Variants in FAAH2 observed in about 807,000 individuals in gnomAD.
FAAH2 encodes fatty-acid amide hydrolase 2.
Under a neutral mutation model 36.9 loss-of-function variants are expected in FAAH2, and 60 were observed. The ratio of observed to expected loss-of-function variants is 1.63; its 90% CI spans 1.32 to 2.02. The LOEUF is 2.02. Ranked by LOEUF, FAAH2 falls within the 30% of genes most tolerant of loss-of-function variation. The pLI is 0.00. For synonymous variants in FAAH2, 214 were observed against 143.8 expected (o/e 1.49, Z -3.49); for missense variants, 689 against 397.5 (o/e 1.73, Z -6.23).
intron 3 of FAAH2, among the ~76,000 whole-genome samples, chrX:57,322,279 C>T (rs1014692935): frequency 2.7e-5 from 3 of 111,858 alleles, no homozygotes; most frequent in African/African-American, 9.7e-5. Context: ...TGTGAGCCAC[C>T]GCACCCGGCC....
At chrX:57,229,486 G>T in the FAAH2 span, 1 of 110,785 alleles carries the variant, frequency 9.0e-6, no homozygotes, top group Non-Finnish European at 1.9e-5. Flanking sequence ...TGCTATTCAG[G>T]GATTAAACAT....
chrX:57,406,577 C>G (rs993701139), intron 7 of FAAH2, among the ~76,000 whole-genome samples: 4 of 112,350 alleles, frequency 3.6e-5, no homozygotes, highest in African/African-American at 9.7e-5. Context: ...CTATAATGCC[C>G]CTGACACAGG....
At chrX:57,298,565 A>G (rs1303425796) in intron 2 of FAAH2, among the ~76,000 whole-genome samples, 1 of 6,242 alleles carries the variant, frequency 1.6e-4, no homozygotes. Context: ...AAGAGCAAAC[A>G]CATTTAAAAG....
chrX:57,171,266 T>C, the FAAH2 span, among the ~76,000 whole-genome samples: 5 of 111,701 alleles, frequency 4.5e-5, no homozygotes, highest in African/African-American at 1.6e-4. Flanking sequence ...TTCCTTTGGG[T>C]AGATACTCAG....
the FAAH2 span, chrX:57,135,716 T>G: frequency 1.1e-5 from 13 of 1,136,185 alleles, no homozygotes; most frequent in Non-Finnish European, 1.5e-5. Flanking sequence ...GATGTTTAGT[T>G]ATCAGGGATT....
chrX:57,381,250 A>T lies in FAAH2; in HGVS notation c.996+221A>T, dbSNP rs776922722. On this transcript the variant is annotated intron_variant, in intron 7 of 10. Transcript: ENST00000374900. The stretch of plus-strand genomic sequence containing the variant: ...GTACTTTGAAAATAAAGTATGATAA[A>T]TCAAATAAATAAATTGCTCAGAGGT... Among the ~76,000 whole-genome samples the T allele has an allele frequency of 2.1e-4, 23 of 111,700 alleles. No individual in the cohort carries two copies. In the South Asian group the frequency reaches 7.4e-3, roughly 36 times the overall value.
At chrX:57,485,529 C>T (rs971902984) in intron 10 of FAAH2, among the ~76,000 whole-genome samples, 2 of 111,900 alleles carry the variant, frequency 1.8e-5, no homozygotes, top group Non-Finnish European at 3.8e-5. Flanking sequence ...TTTCCCATTT[C>T]CTCCCTAGCC....
chrX:57,331,654 GC>G lies in FAAH2; in HGVS notation c.471del (p.Thr158LeufsTer6). On this transcript the variant is annotated frameshift_variant, in exon 4 of 11. Transcript: ENST00000374900. LOFTEE classifies it high-confidence loss of function. ...NRRDAIAKTD[A>X]TVVALLKGAG... ...TCGTGATGCCATTGCCAAAACAGAT[GC>G]CACTGTGGTGGCATTACTGAAGGGA... 1 of 1,211,720 alleles carries G rather than the reference GC, an allele frequency of 8.3e-7. No individual in the cohort carries two copies. The highest frequency in any genetic ancestry group is 1.1e-6 in the Non-Finnish European group (1 of 895,440).
At chrX:57,290,067 G>T in intron 1 of FAAH2, among the ~76,000 whole-genome samples, 1 of 111,487 alleles carries the variant, frequency 9.0e-6, no homozygotes, top group Non-Finnish European at 1.9e-5. Flanking sequence ...GACTTCATCT[G>T]TAAAATGGGG....
intron 5 of FAAH2, among the ~76,000 whole-genome samples, chrX:57,344,123 CTTTT>C (rs200254063): frequency 9.9e-6 from 1 of 101,456 alleles, no homozygotes; most frequent in Admixed American, 1.1e-4. Context: ...TTTAGAATAG[CTTTT>C]TTTTTTTTTA....
At chrX:57,323,450 A>G (rs1160639797) in intron 3 of FAAH2, among the ~76,000 whole-genome samples, 3 of 111,833 alleles carry the variant, frequency 2.7e-5, no homozygotes, top group Non-Finnish European at 5.6e-5. Context: ...AGTCCCACCA[A>G]CATTGTAAAA....
intron 4 of FAAH2, among the ~76,000 whole-genome samples, chrX:57,334,608 T>G (rs1444507075): frequency 9.0e-6 from 1 of 111,340 alleles, no homozygotes; most frequent in Non-Finnish European, 1.9e-5. Flanking sequence ...TTGTTCAAAA[T>G]AATAATGCCA....
At chrX:57,390,638 G>A (rs758275279) in intron 7 of FAAH2, among the ~76,000 whole-genome samples, 1 of 111,190 alleles carries the variant, frequency 9.0e-6, no homozygotes, top group African/African-American at 3.3e-5. Flanking sequence ...CTAAATCCAC[G>A]TGGTTGCAAA....
chrX:57,137,043 C>G, the FAAH2 span: 3,862 of 821,682 alleles, frequency 4.7e-3, 184 homozygotes, highest in East Asian at 0.14. Context: ...CTTCCTGGCG[C>G]TCACCTTCAA....
intron 3 of FAAH2, among the ~76,000 whole-genome samples, chrX:57,319,803 G>A (rs1332672186): frequency 2.7e-5 from 3 of 111,985 alleles, no homozygotes; most frequent in Non-Finnish European, 5.6e-5. Flanking sequence ...AAACAGCATA[G>A]TAGTGGAACC....
At chrX:57,411,223 C>T (rs1015553040) in intron 7 of FAAH2, among the ~76,000 whole-genome samples, 6 of 111,849 alleles carry the variant, frequency 5.4e-5, no homozygotes, top group East Asian at 2.8e-4. Flanking sequence ...TGCTGCAAAG[C>T]GAGACCTGGT....
At chrX:57,139,761 T>A in the FAAH2 span, among the ~76,000 whole-genome samples, 3 of 111,589 alleles carry the variant, frequency 2.7e-5, no homozygotes, top group Non-Finnish European at 5.6e-5. Context: ...TCCCCATAGG[T>A]TTATAGTATA....
intron 10 of FAAH2, among the ~76,000 whole-genome samples, chrX:57,465,029 C>T (rs1489704024): frequency 9.0e-6 from 1 of 111,162 alleles, no homozygotes; most frequent in Non-Finnish European, 1.9e-5. Context: ...TAAATAGAGA[C>T]TATCATTGAA....
At chrX:57,472,313 A>C (rs899355503) in intron 10 of FAAH2, among the ~76,000 whole-genome samples, 1 of 112,016 alleles carries the variant, frequency 8.9e-6, no homozygotes, top group African/African-American at 3.2e-5. Context: ...GGCAACCTAC[A>C]AAATGGGAGA....
Sources: allele counts gnomAD v4.1 joint callset (sites outside exome capture counted in the v4.1 genomes callset), GRCh38; gene constraint gnomAD v4.1.1; transcripts MANE v1.5; gene names NCBI Gene and HGNC (gene_info 2026-07-23, HGNC 2026-07-21).